Variants in HECW1 observed in about 807,000 individuals in gnomAD.
The protein encoded by HECW1 is HECT, C2 and WW domain containing E3 ubiquitin protein ligase 1, also known as E3 ubiquitin-protein ligase HECW1.
HECW1 carries 61 observed loss-of-function variants against 182.3 expected under a neutral mutation model. The observed-to-expected ratio is 0.33, with a 90% CI of 0.27 to 0.41. The LOEUF (loss-of-function observed/expected upper bound fraction) is 0.41, where lower values mean the gene tolerates loss of function less well. Ranked by LOEUF, HECW1 falls within the 10% of genes least tolerant of loss-of-function variation. The pLI is 1.00. For missense variants in HECW1, 1,739 were observed against 2,108.9 expected, an observed-to-expected ratio of 0.82 and a Z score of 3.44; for synonymous variants, 859 against 832.6, an observed-to-expected ratio of 1.03 and a Z score of -0.55.
At chr7:43,159,678 C>CTTTTTT (rs36117153) in intron 2 of HECW1, among the ~76,000 whole-genome samples, 2 of 123,754 alleles carry the variant, frequency 1.6e-5, no homozygotes, top group Non-Finnish European at 3.3e-5. Context: ...TTCCTTGTAT[C>CTTTTTT]TTTTTTTTTT....
At chr7:43,262,225 A>T (rs1006312122) in intron 3 of HECW1, among the ~76,000 whole-genome samples, 8 of 142,338 alleles carry the variant, frequency 5.6e-5, no homozygotes, top group South Asian at 2.2e-4. Context: ...TGTCTCAAAA[A>T]ATATATATAT....
chr7:43,537,923 G>C (rs1164706359), intron 24 of HECW1, among the ~76,000 whole-genome samples: 1 of 152,154 alleles, frequency 6.6e-6, no homozygotes, highest in East Asian at 1.9e-4. Context: ...GGCAGTCTGC[G>C]CTGCAGTCCC....
At chr7:43,269,962 C>T (rs769442623) in intron 3 of HECW1, among the ~76,000 whole-genome samples, 1 of 152,258 alleles carries the variant, frequency 6.6e-6, no homozygotes, top group East Asian at 1.9e-4. Context: ...GTTGAGAAGC[C>T]GTGCTTTAAC....
chr7:43,500,588 G>A (rs2079308431), intron 19 of HECW1, 111 bp from the exon 20 acceptor site: 3 of 874,804 alleles, frequency 3.4e-6, no homozygotes, highest in Non-Finnish European at 3.8e-6. Flanking sequence ...TAGGACGTTA[G>A]GACATTGCTA....
chr7:43,519,286 A>C (rs2080325344), intron 24 of HECW1, among the ~76,000 whole-genome samples: 1 of 151,704 alleles, frequency 6.6e-6, no homozygotes. Flanking sequence ...TTGCTCTGTC[A>C]CCAGGCTGGA....
At chr7:43,323,747 A>C (rs1208081216) in intron 5 of HECW1, among the ~76,000 whole-genome samples, 1 of 152,098 alleles carries the variant, frequency 6.6e-6, no homozygotes, top group Non-Finnish European at 1.5e-5. Context: ...AAATGGCTTG[A>C]CCGTGCGCGG....
chr7:43,366,881 A>G (rs76949961), intron 6 of HECW1, among the ~76,000 whole-genome samples: 18,797 of 151,972 alleles, frequency 0.12, 1,791 homozygotes, highest in African/African-American at 0.26. Flanking sequence ...AGATGGACCC[A>G]CCCCCTGAGA....
chr7:43,274,786 T>G (rs141299554), intron 3 of HECW1, among the ~76,000 whole-genome samples: 1,561 of 152,308 alleles, frequency 0.01, 20 homozygotes, highest in African/African-American at 0.036. Context: ...GTGATAGATG[T>G]GAGTCACACG....
chr7:43,197,475 G>A (rs190949161), intron 2 of HECW1, among the ~76,000 whole-genome samples: 354 of 152,354 alleles, frequency 2.3e-3, no homozygotes, highest in African/African-American at 8.1e-3. Flanking sequence ...AGATGCCCAG[G>A]AGCGTGCACA....
intron 2 of HECW1, among the ~76,000 whole-genome samples, chr7:43,171,209 C>A (rs1429442886): frequency 1.3e-5 from 2 of 152,100 alleles, no homozygotes. Flanking sequence ...TGTGCCTTTA[C>A]AATCAAGGAG....
At chr7:43,427,850 C>G (rs2076410501) in intron 8 of HECW1, among the ~76,000 whole-genome samples, 1 of 152,120 alleles carries the variant, frequency 6.6e-6, no homozygotes, top group Non-Finnish European at 1.5e-5. Flanking sequence ...GGAGAATGTC[C>G]CTTGCATTGA....
chr7:43,206,259 G>A lies in HECW1; in HGVS notation c.-31-37616G>A, dbSNP rs549359836. ...CCCTGGGAACAGACACCAGGAACGC[G>A]GCAGCTGATCTGCCACGGAGTCAAG... On this transcript the variant is annotated intron_variant, in intron 2 of 29. Coordinates refer to ENST00000395891, the MANE Select transcript of HECW1 (RefSeq NM_015052.5). Among the ~76,000 whole-genome samples, 28 of 152,280 alleles carry A rather than the reference G, an allele frequency of 1.8e-4. No individual in the cohort carries two copies. The East Asian group carries it at 2.1e-3, about 12-fold the overall frequency.
intron 8 of HECW1, among the ~76,000 whole-genome samples, chr7:43,435,746 C>A (rs1356224310): frequency 2.0e-5 from 3 of 152,156 alleles, no homozygotes; most frequent in Non-Finnish European, 4.4e-5. Context: ...AACTTGAAGC[C>A]CCTGAGACTT....
intron 2 of HECW1, among the ~76,000 whole-genome samples, chr7:43,225,836 A>T (rs943186619): frequency 6.6e-6 from 1 of 152,072 alleles, no homozygotes; most frequent in Admixed American, 6.6e-5. Context: ...CGAGGCTGGA[A>T]TGCAGTAGTA....
At chr7:43,278,565 C>A (rs1018743241) in intron 3 of HECW1, among the ~76,000 whole-genome samples, 1 of 152,156 alleles carries the variant, frequency 6.6e-6, no homozygotes, top group African/African-American at 2.4e-5. Flanking sequence ...GCTCCCAGAG[C>A]CCCAACCATG....
chr7:43,239,712 G>T, intron 2 of HECW1, among the ~76,000 whole-genome samples: 1 of 152,204 alleles, frequency 6.6e-6, no homozygotes, highest in East Asian at 1.9e-4. Flanking sequence ...CCAGATTTCT[G>T]GGGATGTCAG....
chr7:43,244,938 C>T (rs767499844), intron 3 of HECW1, among the ~76,000 whole-genome samples: 4 of 152,176 alleles, frequency 2.6e-5, no homozygotes, highest in African/African-American at 7.2e-5. Context: ...CGTCAGCGGG[C>T]GGGAAGATGA....
At chr7:43,171,622 G>A (rs17641969) in intron 2 of HECW1, among the ~76,000 whole-genome samples, 2,293 of 152,084 alleles carry the variant, frequency 0.015, 48 homozygotes, top group South Asian at 0.1. Context: ...ACAATGAAAG[G>A]AAAAAAGGGG....
intron 2 of HECW1, among the ~76,000 whole-genome samples, chr7:43,166,487 G>T (rs1791127589): frequency 6.6e-6 from 1 of 152,166 alleles, no homozygotes; most frequent in East Asian, 1.9e-4. Context: ...CAGCTGCAGG[G>T]TGGAGATGGA....
Sources: allele counts gnomAD v4.1 joint callset (sites outside exome capture counted in the v4.1 genomes callset), GRCh38; gene constraint gnomAD v4.1.1; transcripts MANE v1.5; gene names NCBI Gene and HGNC (gene_info 2026-07-23, HGNC 2026-07-21).